The following UBE2W variants were observed in gnomAD, a reference collection of about 807,000 sequenced individuals.
UBE2W encodes the protein ubiquitin conjugating enzyme E2 W.
In UBE2W, 18 loss-of-function variants were observed where a neutral mutation model predicts 27.2. The observed-to-expected ratio is 0.66, with a 90% CI of 0.46 to 0.98. The LOEUF (loss-of-function observed/expected upper bound fraction) is 0.98, where lower values mean the gene tolerates loss of function less well. UBE2W is among the 50% of genes least tolerant of loss of function. UBE2W has a pLI of 0.00. For synonymous variants in UBE2W, 53 were observed against 57.2 expected, an observed-to-expected ratio of 0.93 and a Z score of 0.33; for missense variants, 90 against 180.2, an observed-to-expected ratio of 0.50 and a Z score of 2.87.
At chr8:73,813,055 C>A (rs1586466387) in intron 3 of UBE2W, among the ~76,000 whole-genome samples, 1 of 38,874 alleles carries the variant, frequency 2.6e-5, no homozygotes, top group African/African-American at 9.8e-5. Flanking sequence ...ATCAAGAAGT[C>A]AAGAAGAATA....
At chr8:73,849,931 C>G (rs1398452925) in intron 1 of UBE2W, among the ~76,000 whole-genome samples, 1 of 152,036 alleles carries the variant, frequency 6.6e-6, no homozygotes, top group African/African-American at 2.4e-5. Context: ...GATAGAATAA[C>G]TATATAATGA....
chr8:73,805,843 A>G (rs1586456837), intron 4 of UBE2W, 117 bp from the exon 5 acceptor site: 3 of 525,592 alleles, frequency 5.7e-6, no homozygotes, highest in African/African-American at 1.9e-5. Flanking sequence ...AAACATGAAT[A>G]GTATATCTAA....
At chr8:73,874,357 G>A (rs181779414) in intron 1 of UBE2W, among the ~76,000 whole-genome samples, 2 of 152,212 alleles carry the variant, frequency 1.3e-5, no homozygotes, top group Non-Finnish European at 2.9e-5. Context: ...CATGAAGCCC[G>A]GGGATTGGAG....
At position 73,791,889 on chromosome 8, in the gene UBE2W, ATT is replaced by A; in HGVS notation, c.*2211_*2212del. 1.0e-6 allele frequency: 1 copy of A among 984,852 alleles called. No homozygotes were observed. The highest frequency in any genetic ancestry group is 1.7e-5 in the African/African-American group (1 of 57,348). The allele number at this position is 984,852 out of a possible 1,614,324, so 61.0% of individuals were successfully genotyped here. A position where few individuals can be genotyped will look rare whatever the true frequency, so the allele number is the denominator to read the frequency against. On this transcript the variant is annotated 3_prime_UTR_variant, in exon 6 of 6. Transcript: ENST00000602593. Reference sequence around the variant, plus strand: ...TGTAGAGAGAGAGGTATGTTAAAATATTGTCATAAAAAACTCAATTGAGGCTA... The same window carrying A: ...TGTAGAGAGAGAGGTATGTTAAAATAGTCATAAAAAACTCAATTGAGGCTA...
downstream of UBE2W, among the ~76,000 whole-genome samples, chr8:73,785,302 T>C (rs1388808643): frequency 2.0e-5 from 3 of 151,706 alleles, no homozygotes; most frequent in African/African-American, 7.3e-5. Flanking sequence ...TGTGCCACCA[T>C]GCCCAGCTTT....
At chr8:73,813,081 C>A (rs1406890639) in intron 3 of UBE2W, among the ~76,000 whole-genome samples, 2 of 3,542 alleles carry the variant, frequency 5.6e-4, no homozygotes, top group East Asian at 0.031. Context: ...CTGAAAGTGC[C>A]ACAAAAAAAA....
At chr8:73,847,280 C>G (rs995250350) in intron 1 of UBE2W, among the ~76,000 whole-genome samples, 1 of 152,164 alleles carries the variant, frequency 6.6e-6, no homozygotes, top group African/African-American at 2.4e-5. Flanking sequence ...CACTGGTTAT[C>G]AGATAAATGC....
chr8:73,808,719 TATC>T (rs1809022360), intron 4 of UBE2W, among the ~76,000 whole-genome samples: 1 of 152,232 alleles, frequency 6.6e-6, no homozygotes, highest in South Asian at 2.1e-4. Context: ...ATTTCTGTAT[TATC>T]ATCTTGGTTA....
chr8:73,870,049 G>C (rs947137711), intron 1 of UBE2W, among the ~76,000 whole-genome samples: 2 of 152,104 alleles, frequency 1.3e-5, no homozygotes, highest in African/African-American at 4.8e-5. Context: ...TTCTTTCTGG[G>C]GTGATGAAAA....
Position 73,847,923 on chromosome 8 carries a change from C to T in UBE2W, c.16-17451G>A, listed in dbSNP as rs145196708. Among the ~76,000 whole-genome samples, 413 of 150,104 alleles carry T rather than the reference C, an allele frequency of 2.8e-3. 1 individual carries two copies. Among genetic ancestry groups the T allele is most frequent in the African/African-American group, 9.4e-3 (384 of 41,000 alleles). On this transcript the variant is annotated intron_variant, in intron 1 of 5. Transcript: ENST00000602593. The stretch of plus-strand genomic sequence containing the variant: ...GTCTCAAAAAAAAAATAAAAACAGC[C>T]GGGCACCATGGCTCATGCCTGTAAT...
At chr8:73,817,704 G>C (rs1490040283) in intron 3 of UBE2W, among the ~76,000 whole-genome samples, 3 of 151,958 alleles carry the variant, frequency 2.0e-5, no homozygotes, top group Admixed American at 6.6e-5. Flanking sequence ...TTTTAGTATG[G>C]GTTTCACCAT....
At chr8:73,812,031 A>G (rs563438338) in intron 3 of UBE2W, among the ~76,000 whole-genome samples, 26 of 152,210 alleles carry the variant, frequency 1.7e-4, no homozygotes, top group African/African-American at 6.0e-4. Flanking sequence ...ATGTTAATAA[A>G]GCAGTCTTTC....
At chr8:73,866,290 A>AAATATAT (rs1248216873) in intron 1 of UBE2W, among the ~76,000 whole-genome samples, 13 of 43,090 alleles carry the variant, frequency 3.0e-4, no homozygotes, top group Non-Finnish European at 4.6e-4. Flanking sequence ...AAAAAAAAAA[A>AAATATAT]ATATATATAT....
chr8:73,829,089 A>G (rs1809969112), intron 2 of UBE2W, among the ~76,000 whole-genome samples: 1 of 152,168 alleles, frequency 6.6e-6, no homozygotes, highest in Non-Finnish European at 1.5e-5. Context: ...TCGATATAAT[A>G]GGATTTACTC....
Position 73,792,297 on chromosome 8 carries a change from A to T in UBE2W, c.*1805T>A. ...TAATTTTTTAAAAGTGGTAATTGTT[A>T]ACTAGCAGTATATAAACAGTGTCCA... On this transcript the variant is annotated 3_prime_UTR_variant, in exon 6 of 6. Coordinates refer to ENST00000602593, the MANE Select transcript of UBE2W (RefSeq NM_018299.6). The T allele has an allele frequency of 8.1e-6, 8 of 985,712 alleles. No homozygotes were observed. Among genetic ancestry groups the T allele is most frequent in the Non-Finnish European group, 7.2e-6 (6 of 829,782 alleles). 61.1% of individuals were successfully genotyped at this position (985,712 alleles called of 1,614,324 possible).
chr8:73,827,381 T>C (rs999618305), intron 2 of UBE2W, among the ~76,000 whole-genome samples: 2 of 151,084 alleles, frequency 1.3e-5, no homozygotes, highest in African/African-American at 4.9e-5. Flanking sequence ...ACCCGGCTAA[T>C]TTTTTGTATT....
At chr8:73,863,073 A>G (rs71527234) in intron 1 of UBE2W, among the ~76,000 whole-genome samples, 12,446 of 128,032 alleles carry the variant, frequency 0.097, 630 homozygotes, top group Middle Eastern at 0.17. Flanking sequence ...CCATCCCATT[A>G]CTGGGTATAT....
chr8:73,846,173 A>AG (rs1424808763), intron 1 of UBE2W, among the ~76,000 whole-genome samples: 5 of 152,068 alleles, frequency 3.3e-5, no homozygotes, highest in Admixed American at 6.6e-5. Flanking sequence ...AGATCACCTG[A>AG]GGTCAGGAGT....
chr8:73,821,837 C>T (rs924451805), intron 3 of UBE2W, among the ~76,000 whole-genome samples: 1 of 152,024 alleles, frequency 6.6e-6, no homozygotes, highest in Non-Finnish European at 1.5e-5. Flanking sequence ...CCCATCTCTA[C>T]AAAAAATATA....
Sources: gnomAD v4.1 joint callset for allele counts (sites outside exome capture counted in the v4.1 genomes callset) on GRCh38, gnomAD v4.1.1 for gene constraint, MANE v1.5 for transcripts, NCBI Gene and HGNC (gene_info 2026-07-23, HGNC 2026-07-21) for gene names.